The following ARHGAP32 variants were observed in gnomAD, a reference collection of about 807,000 sequenced individuals.
The protein encoded by ARHGAP32 is Rho GTPase activating protein 32, also known as rho GTPase-activating protein 32.
A neutral mutation model predicts 186.5 loss-of-function variants in ARHGAP32; 51 were observed. The observed-to-expected ratio is 0.27, with a 90% CI of 0.22 to 0.35. ARHGAP32 has a LOEUF of 0.35. Among genes scored for constraint, ARHGAP32 ranks in the 10% least tolerant of loss-of-function variants. The probability of loss-of-function intolerance (pLI) is 1.00; values close to 1 mark genes in which losing one functional copy is unlikely to be tolerated. For missense variants in ARHGAP32, 2,186 were observed against 2,623.5 expected, an observed-to-expected ratio of 0.83 and a Z score of 3.64; for synonymous variants, 950 against 964.3, an observed-to-expected ratio of 0.99 and a Z score of 0.27.
At position 128,976,637 on chromosome 11, in the gene ARHGAP32, G is replaced by A; in HGVS notation, c.2123-3C>T. ...GAGGGTTCCTTCTGCCCTGCCACCTGAAGAATAAAAAACACATAGTGTGAA... is the reference window on the plus strand; with the variant it reads ...GAGGGTTCCTTCTGCCCTGCCACCTAAAGAATAAAAAACACATAGTGTGAA... On this transcript the variant is annotated splice_polypyrimidine_tract_variant and splice_region_variant and intron_variant, in intron 19 of 22. Transcript: ENST00000682385. 6.2e-7 allele frequency: 1 copy of A among 1,613,060 alleles called. No homozygotes were observed.
intron 1 of ARHGAP32, among the ~76,000 whole-genome samples, chr11:129,276,432 C>T (rs1306288065): frequency 6.6e-6 from 1 of 152,032 alleles, no homozygotes; most frequent in Non-Finnish European, 1.5e-5. Context: ...TCCCGAGTAG[C>T]CAGGACTACA....
At chr11:129,077,139 A>G (rs1170410030) in intron 6 of ARHGAP32, among the ~76,000 whole-genome samples, 2 of 152,230 alleles carry the variant, frequency 1.3e-5, no homozygotes, top group African/African-American at 2.4e-5. Context: ...AGAGAGGCCC[A>G]GGGAAGCCAT....
chr11:129,250,064 T>G (rs202012247), intron 1 of ARHGAP32, among the ~76,000 whole-genome samples: 1 of 148,860 alleles, frequency 6.7e-6, no homozygotes, highest in African/African-American at 2.4e-5. Flanking sequence ...AAAAAAAAAA[T>G]TAATTAGCTG....
chr11:129,193,918 C>T (rs939610516), upstream of ARHGAP32, among the ~76,000 whole-genome samples: 1 of 149,554 alleles, frequency 6.7e-6, no homozygotes, highest in East Asian at 2.0e-4. Context: ...TTCTTAAAAA[C>T]TTCTAAGACC....
At chr11:129,031,033 A>T (rs1179432553) in intron 11 of ARHGAP32, among the ~76,000 whole-genome samples, 3 of 152,042 alleles carry the variant, frequency 2.0e-5, no homozygotes, top group Non-Finnish European at 4.4e-5. Flanking sequence ...TGCCAGTGCC[A>T]TGCTTCCTGG....
chr11:129,024,045 C>CG, intron 11 of ARHGAP32: 1 of 985,504 alleles, frequency 1.0e-6, no homozygotes, highest in Non-Finnish European at 1.2e-6. Context: ...ACATCACTGC[C>CG]GGGTTCCAGC....
At chr11:129,200,277 G>A (rs1162476366) in intron 1 of ARHGAP32, among the ~76,000 whole-genome samples, 1 of 152,124 alleles carries the variant, frequency 6.6e-6, no homozygotes, top group East Asian at 1.9e-4. Flanking sequence ...TACAAGATGT[G>A]GGAGGGGCCA....
At chr11:129,117,761 C>T (rs1329960950) in intron 5 of ARHGAP32, among the ~76,000 whole-genome samples, 1 of 151,842 alleles carries the variant, frequency 6.6e-6, no homozygotes. Flanking sequence ...TCAAACATAT[C>T]CTTTTCCCCC....
chr11:128,972,401 CAT>C, intron 22 of ARHGAP32, 50 bp downstream of exon 22: 2 of 1,484,146 alleles, frequency 1.3e-6, no homozygotes, highest in Non-Finnish European at 9.0e-7. Context: ...TGAAAAGTGA[CAT>C]ACCTTTGGTA....
At chr11:129,193,702 A>C (rs1269815509), upstream of ARHGAP32, among the ~76,000 whole-genome samples, 2 of 33,186 alleles carry the variant, frequency 6.0e-5, no homozygotes, top group African/African-American at 1.1e-4. Flanking sequence ...TATAATATAT[A>C]ATATATATTA....
At chr11:129,117,829 CTCA>C (rs886936759) in intron 5 of ARHGAP32, among the ~76,000 whole-genome samples, 19 of 151,312 alleles carry the variant, frequency 1.3e-4, no homozygotes, top group African/African-American at 4.6e-4. Flanking sequence ...CTGCCTCAAA[CTCA>C]TCATTTCTTT....
chr11:129,060,534 C>T (rs574647027), intron 10 of ARHGAP32, among the ~76,000 whole-genome samples: 1 of 152,162 alleles, frequency 6.6e-6, no homozygotes, highest in East Asian at 1.9e-4. Flanking sequence ...GAACTGACTC[C>T]TTAATAGGAA....
At chr11:129,259,466 C>T (rs375506995) in intron 1 of ARHGAP32, among the ~76,000 whole-genome samples, 2 of 151,842 alleles carry the variant, frequency 1.3e-5, no homozygotes, top group African/African-American at 2.4e-5. Flanking sequence ...TCCTCTCTCA[C>T]ACACACACAA....
intron 21 of ARHGAP32, 109 bp downstream of exon 21, chr11:128,974,015 T>TG: frequency 3.8e-6 from 5 of 1,332,770 alleles, no homozygotes; most frequent in Non-Finnish European, 5.1e-6. Context: ...GCATTCTCTT[T>TG]GATTAAAGGC....
intron 15 of ARHGAP32, among the ~76,000 whole-genome samples, chr11:128,982,302 A>G (rs1945725688): frequency 6.6e-6 from 1 of 152,216 alleles, no homozygotes; most frequent in South Asian, 2.1e-4. Context: ...AGCAAAGGAT[A>G]TGCTTTTGAA....
chr11:129,125,759 T>C (rs1028265715), intron 2 of ARHGAP32: 1 of 267,350 alleles, frequency 3.7e-6, no homozygotes, highest in Non-Finnish European at 7.6e-6. Flanking sequence ...CCTTGTTACA[T>C]CATCACAGTG....
At chr11:129,107,649 G>A (rs577210056) in intron 5 of ARHGAP32, among the ~76,000 whole-genome samples, 21 of 152,088 alleles carry the variant, frequency 1.4e-4, no homozygotes, top group African/African-American at 4.8e-4. Flanking sequence ...CAGGCGGATC[G>A]CCTGAGGTCA....
At chr11:129,213,467 G>C (rs1052560582) in intron 1 of ARHGAP32, among the ~76,000 whole-genome samples, 1 of 152,272 alleles carries the variant, frequency 6.6e-6, no homozygotes, top group East Asian at 1.9e-4. Flanking sequence ...TAACAGTAAT[G>C]GAGAAAAGTC....
intron 1 of ARHGAP32, among the ~76,000 whole-genome samples, chr11:129,219,235 T>C (rs1944683371): frequency 6.6e-6 from 1 of 152,182 alleles, no homozygotes; most frequent in Non-Finnish European, 1.5e-5. Flanking sequence ...TTTTTTCCTA[T>C]CAGGAAATAA....
Sources: gnomAD v4.1 joint callset for allele counts (sites outside exome capture counted in the v4.1 genomes callset) on GRCh38, gnomAD v4.1.1 for gene constraint, MANE v1.5 for transcripts, NCBI Gene and HGNC (gene_info 2026-07-23, HGNC 2026-07-21) for gene names.